Variants in SMARCA4 observed in about 807,000 individuals in gnomAD.
SMARCA4 encodes the protein SWI/SNF-related matrix-associated actin-dependent regulator of chromatin subfamily A member 4.
In SMARCA4, 31 loss-of-function variants were observed where a neutral mutation model predicts 193.9. The observed-to-expected ratio is 0.16, with a 90% CI of 0.12 to 0.22. SMARCA4 has a LOEUF of 0.22. SMARCA4 is among the 10% of genes least tolerant of loss of function. The pLI is 1.00. For missense variants in SMARCA4, 1,148 were observed against 2,296.0 expected, an observed-to-expected ratio of 0.50 and a Z score of 10.22; for synonymous variants, 942 against 933.1, an observed-to-expected ratio of 1.01 and a Z score of -0.17.
chr19:11,025,674 G>A, intron 22 of SMARCA4, 166 bp downstream of exon 22: 1 of 655,554 alleles, frequency 1.5e-6, no homozygotes, highest in South Asian at 1.6e-5. Context: ...GTGCTTACGG[G>A]AAGAATCCCA....
chr19:10,973,604 C>G (rs1036205514), intron 1 of SMARCA4, among the ~76,000 whole-genome samples: 11 of 139,940 alleles, frequency 7.9e-5, no homozygotes, highest in African/African-American at 2.4e-4. Context: ...GAGTCTTGCT[C>G]TGTCACCCAG....
At chr19:10,974,681 ATATATATATTTTTTTTTTTTTTTT>A (rs1224651677) in intron 1 of SMARCA4, among the ~76,000 whole-genome samples, 4 of 42,138 alleles carry the variant, frequency 9.5e-5, no homozygotes, top group African/African-American at 3.8e-4. Context: ...ATATATATAT[ATATATATATTTTTTTTTTTTTTTT>A]TTTTTTTTTT....
rs200007170 is a variant in SMARCA4 at position 11,030,783 on chromosome 19, G to A, written c.3436G>A (p.Gly1146Ser). ...GMLLKTFNEP[G>S]SEYFIFLLST... ...GCTGCTGAAAACCTTCAACGAGCCC[G>A]GCTCTGAGTACTTCATCTTCCTGCT... is the stretch of plus-strand genomic sequence containing the variant. Residue 1146 changes from glycine to serine, a missense_variant, in exon 25 of 35, where the codon GGC becomes AGC. Physicochemically the swap from Gly to Ser is moderately conservative, Grantham distance 56. This residue lies in a region of SMARCA4 where 74 missense variants were observed against 392.3 expected (regional missense o/e 0.19). Transcript: ENST00000344626. The surrounding 1 kb of genome is among the most constrained non-coding windows in gnomAD (Gnocchi z 5.5). 35 of 1,610,450 alleles carry A rather than the reference G, an allele frequency of 2.2e-5. No individual in the cohort carries two copies. Among genetic ancestry groups the A allele is most frequent in the African/African-American group, 4.0e-5 (3 of 75,004 alleles).
chr19:11,062,056 C>G lies in SMARCA4; in HGVS notation c.*240C>G, dbSNP rs1001494473. On this transcript the variant is annotated 3_prime_UTR_variant, in exon 35 of 35. Coordinates refer to ENST00000344626, the MANE Select transcript of SMARCA4 (RefSeq NM_003072.5). ...TCTTAAAGAGAGAGAGAGAGAATTC[C>G]GAATTGGGGAACACACGATACCTGT... 1.7e-6 allele frequency: 1 copy of G among 582,288 alleles called. No individual in the cohort carries two copies. The highest frequency in any genetic ancestry group is 1.9e-5 in the African/African-American group (1 of 53,634). 36.1% of individuals were successfully genotyped at this position (582,288 alleles called of 1,614,324 possible).
At chr19:11,023,209 C>T (rs934507029) in intron 19 of SMARCA4, among the ~76,000 whole-genome samples, 4 of 152,144 alleles carry the variant, frequency 2.6e-5, no homozygotes, top group Non-Finnish European at 5.9e-5. Flanking sequence ...TTGTGTTACT[C>T]GTGGAGAAGC....
intron 20 of SMARCA4, 152 bp downstream of exon 20, chr19:11,023,783 G>A: frequency 1.4e-6 from 1 of 697,758 alleles, no homozygotes; most frequent in South Asian, 1.5e-5. Flanking sequence ...GGTCTGTAAA[G>A]CCCTGTGCTG....
chr19:11,024,443 G>A lies in SMARCA4; in HGVS notation c.3081+5G>A, dbSNP rs771818383. The A allele has an allele frequency of 8.8e-6, 14 of 1,597,658 alleles. No homozygotes were observed. The highest frequency in any genetic ancestry group is 1.1e-5 in the Non-Finnish European group (13 of 1,166,488). Reference sequence around the variant, plus strand: ...GGCTCCGAGAAGGACAAGAAGGTGGGCCCCAGAGTCCCCCAACTGCATTCC... The same window carrying A: ...GGCTCCGAGAAGGACAAGAAGGTGGACCCCAGAGTCCCCCAACTGCATTCC... On this transcript the variant is annotated splice_donor_5th_base_variant and intron_variant, in intron 21 of 34. Transcript: ENST00000344626.
At chr19:11,038,700 G>T (rs953002544) in intron 29 of SMARCA4, among the ~76,000 whole-genome samples, 3 of 152,174 alleles carry the variant, frequency 2.0e-5, no homozygotes, top group Admixed American at 6.5e-5. Flanking sequence ...TGTCCTCAGC[G>T]CCAGGCACAG....
intron 1 of SMARCA4, among the ~76,000 whole-genome samples, chr19:10,981,561 CAGGATTGGCTGG>C (rs1261239464): frequency 6.6e-6 from 1 of 152,234 alleles, no homozygotes; most frequent in Non-Finnish European, 1.5e-5. Flanking sequence ...GCCATCTTTT[CAGGATTGGCTGG>C]AGTGCCAGCC....
intron 30 of SMARCA4, among the ~76,000 whole-genome samples, chr19:11,048,702 G>T (rs917976831): frequency 6.6e-6 from 1 of 152,208 alleles, no homozygotes; most frequent in African/African-American, 2.4e-5. Flanking sequence ...TTTTGGAGAG[G>T]CAGGGACGCC....
chr19:10,967,559 C>T (rs1489827918), intron 1 of SMARCA4, among the ~76,000 whole-genome samples: 2 of 151,808 alleles, frequency 1.3e-5, no homozygotes, highest in African/African-American at 4.8e-5. Flanking sequence ...ATCCGTCTGC[C>T]TCAGCCTCCC....
At chr19:10,969,868 G>A (rs1358647844) in intron 1 of SMARCA4, among the ~76,000 whole-genome samples, 1 of 152,028 alleles carries the variant, frequency 6.6e-6, no homozygotes, top group Admixed American at 6.6e-5. Context: ...TGCCACTCCC[G>A]TGCCTGGAAC....
At chr19:11,003,471 C>A (rs539548654) in intron 13 of SMARCA4, 74 bp downstream of exon 13, 2 of 1,363,126 alleles carry the variant, frequency 1.5e-6, no homozygotes, top group South Asian at 2.3e-5. Context: ...GTGTTGTGAC[C>A]GTCTCCTGCC....
chr19:11,010,203 T>G (rs2088687017), intron 14 of SMARCA4, among the ~76,000 whole-genome samples, 178 bp from the exon 15 acceptor site: 1 of 152,170 alleles, frequency 6.6e-6, no homozygotes, highest in Non-Finnish European at 1.5e-5. Context: ...CCCCTCAGGC[T>G]TAGTGCGGGC....
rs542413501 is a variant in SMARCA4, at chr19:11,034,449, G to T, written c.3951+249G>T. 6.6e-6 allele frequency among the ~76,000 whole-genome samples: 1 copy of T among 152,310 alleles called. No individual in the cohort carries two copies. Among genetic ancestry groups the T allele is most frequent in the East Asian group, 1.9e-4 (1 of 5,160 alleles). ...ACCCGAGACCTGCCCCACCAGCTCT[G>T]TTTTCTAACGGGCTCTCCAGGGCTT... is the stretch of plus-strand genomic sequence containing the variant. On this transcript the variant is annotated intron_variant, in intron 28 of 34. Transcript: ENST00000344626. This position sits in a 1 kb window ranked among gnomAD's most constrained non-coding sequence, Gnocchi z 7.0.
intron 29 of SMARCA4, among the ~76,000 whole-genome samples, chr19:11,039,144 A>G (rs1004315797): frequency 1.3e-5 from 2 of 152,196 alleles, no homozygotes; most frequent in Non-Finnish European, 2.9e-5. Flanking sequence ...ACCTGAGGTC[A>G]GGAGCTCAAG....
At chr19:10,995,995 G>T in intron 9 of SMARCA4, 1 of 633,906 alleles carries the variant, frequency 1.6e-6, no homozygotes, top group South Asian at 1.7e-5. Context: ...GCTGCTGGCG[G>T]GACTGTCTGC....
chr19:10,981,825 A>G (rs1010568527), intron 1 of SMARCA4, among the ~76,000 whole-genome samples: 1 of 152,010 alleles, frequency 6.6e-6, no homozygotes, highest in Non-Finnish European at 1.5e-5. Flanking sequence ...TCTCTACAAA[A>G]AAATTAAGAA....
chr19:11,060,359 GCTGCCACTCAAAGCCAAGC>G lies in SMARCA4; in HGVS notation c.4911+176_4911+194del, dbSNP rs533747834. Reference sequence around the variant, plus strand: ...GGTCACACAGCCAGTATGTGGCAGGGCTGCCACTCAAAGCCAAGCCTGTGTGACCCCGGAACCAGCTCTC... The same window carrying G: ...GGTCACACAGCCAGTATGTGGCAGGGCTGTGTGACCCCGGAACCAGCTCTC... On this transcript the variant is annotated intron_variant, in intron 34 of 34. Coordinates refer to ENST00000344626, the MANE Select transcript of SMARCA4 (RefSeq NM_003072.5). The G allele has an allele frequency of 9.2e-5, 75 of 817,952 alleles. 2 individuals carry two copies. In the African/African-American group the frequency reaches 1.0e-3, roughly 11 times the overall value. 50.7% of individuals were successfully genotyped at this position (817,952 alleles called of 1,614,324 possible).
Sources: allele counts gnomAD v4.1 joint callset (sites outside exome capture counted in the v4.1 genomes callset), GRCh38; gene constraint gnomAD v4.1.1; regional missense constraint gnomAD v4.1.1; non-coding constraint Gnocchi (gnomAD v3.1); transcripts MANE v1.5; gene names NCBI Gene and HGNC (gene_info 2026-07-23, HGNC 2026-07-21).